GLYATL1B: variants seen among roughly 807,000 people sequenced by gnomAD.
GLYATL1B encodes putative glycine N-acyltransferase-like protein 1B.
Under a neutral mutation model 5.5 loss-of-function variants are expected in GLYATL1B, and 6 were observed. That is an observed-to-expected ratio of 1.09 (90% confidence interval 0.60 to 2.15). The LOEUF is 2.15. Among genes scored for constraint, GLYATL1B ranks in the 30% most tolerant of loss-of-function variants. GLYATL1B has a pLI of 0.00. For synonymous variants in GLYATL1B, 67 were observed against 34.9 expected, an observed-to-expected ratio of 1.92 and a Z score of -3.24; for missense variants, 135 against 94.1, an observed-to-expected ratio of 1.43 and a Z score of -1.80.
intron 2 of GLYATL1B, among the ~76,000 whole-genome samples, chr11:59,089,495 C>T (rs1425250398): frequency 1.3e-5 from 2 of 152,180 alleles, no homozygotes; most frequent in African/African-American, 4.8e-5. Context: ...CCCACATTCT[C>T]ATCAGCAGTG....
intron 2 of GLYATL1B, among the ~76,000 whole-genome samples, chr11:59,087,434 G>A (rs534837857): frequency 2.6e-4 from 40 of 152,232 alleles, no homozygotes; most frequent in Admixed American, 2.4e-3. Context: ...GCCCTTTGAG[G>A]TGGCAGGGGT....
rs1210271471 is a variant in GLYATL1B at position 59,086,372 on chromosome 11, T to C, written c.66T>C (p.Pro22=). Residue 22 remains proline (P), a synonymous_variant, in exon 1 of 5, where the codon CCT becomes CCC. Transcript: ENST00000527482. ...TCAAATCTTTAGCAAGGAGCATTCC[T>C]GAGTCCCTGAAGGTGAAGGAACAGT... ...ALFKSLARSI[P]ESLKVYGSLF... is the part of the protein sequence containing the mutation. 1.5e-5 allele frequency: 6 copies of C among 398,842 alleles called. No individual in the cohort carries two copies. The highest frequency in any genetic ancestry group is 3.6e-5 in the East Asian group (1 of 28,094). 24.7% of individuals were successfully genotyped at this position (398,842 alleles called of 1,614,324 possible).
chr11:59,090,381 A>G (rs866141277), intron 2 of GLYATL1B, among the ~76,000 whole-genome samples: 11 of 152,094 alleles, frequency 7.2e-5, no homozygotes, highest in Middle Eastern at 3.4e-3. Flanking sequence ...AAGCATTAAT[A>G]TTTTTGTGAT....
Position 59,088,799 on chromosome 11 carries a change from A to G in GLYATL1B, c.186+1628A>G, listed in dbSNP as rs1317340888. Among the ~76,000 whole-genome samples, 3 of 152,228 alleles carry G rather than the reference A, an allele frequency of 2.0e-5. No homozygotes were observed. In the South Asian group the frequency reaches 6.2e-4, roughly 31 times the overall value. ...AATGGAAAGAATGAAATATGCTGCA[A>G]TTTACTTGGAAATACATTCACTTAG... On this transcript the variant is annotated intron_variant, in intron 2 of 4. Coordinates refer to ENST00000527482, the MANE Select transcript of GLYATL1B (RefSeq NM_001355566.1).
chr11:59,086,570 G>A (rs943078037), intron 1 of GLYATL1B, among the ~76,000 whole-genome samples, 186 bp downstream of exon 1: 16 of 152,184 alleles, frequency 1.1e-4, no homozygotes, highest in Middle Eastern at 3.4e-3. Context: ...CAACTAGGCC[G>A]ACTCTGCAGA....
chr11:59,092,759 C>T (rs1336369846), intron 2 of GLYATL1B, among the ~76,000 whole-genome samples: 2 of 152,148 alleles, frequency 1.3e-5, no homozygotes, highest in African/African-American at 2.4e-5. Flanking sequence ...CAGAGTGCTA[C>T]GGAAAATTCA....
chr11:59,086,693 G>C (rs1859200417), intron 1 of GLYATL1B, among the ~76,000 whole-genome samples: 1 of 152,158 alleles, frequency 6.6e-6, no homozygotes, highest in Non-Finnish European at 1.5e-5. Context: ...AGATATCATT[G>C]TGCCTGTGCC....
intron 2 of GLYATL1B, among the ~76,000 whole-genome samples, chr11:59,090,647 C>A (rs1442839962): frequency 6.6e-6 from 1 of 151,746 alleles, no homozygotes; most frequent in East Asian, 1.9e-4. Context: ...GCTTTAAAAT[C>A]TTCTTTGTTT....
At chr11:59,093,769 A>AAG (rs71454363) in intron 3 of GLYATL1B, 114 bp downstream of exon 3, 62,026 of 437,848 alleles carry the variant, frequency 0.14, 5,370 homozygotes, top group Non-Finnish European at 0.17. Context: ...TGAAATTCTC[A>AAG]GAGCTGGGAG....
intron 2 of GLYATL1B, among the ~76,000 whole-genome samples, chr11:59,088,472 A>G (rs1409369162): frequency 6.6e-6 from 1 of 152,112 alleles, no homozygotes; most frequent in African/African-American, 2.4e-5. Context: ...TACCTTCCCC[A>G]GGGATGTTCT....
chr11:59,089,652 T>G (rs560187820), intron 2 of GLYATL1B, among the ~76,000 whole-genome samples: 7 of 152,258 alleles, frequency 4.6e-5, no homozygotes, highest in Non-Finnish European at 8.8e-5. Flanking sequence ...TCTGAACTGT[T>G]TATATTGTTT....
chr11:59,088,410 C>T (rs1859236246), intron 2 of GLYATL1B, among the ~76,000 whole-genome samples: 1 of 152,170 alleles, frequency 6.6e-6, no homozygotes, highest in Admixed American at 6.6e-5. Context: ...GCCAGCCCAG[C>T]TTCAGGTGGG....
In GLYATL1B at chr11:59,094,187, G is replaced by A. The variant is rs1486149760; in HGVS notation, c.491+76G>A. 9.5e-6 allele frequency: 5 copies of A among 527,254 alleles called. No homozygotes were observed. In the Admixed American group the frequency reaches 1.7e-4, roughly 18 times the overall value. The allele number at this position is 527,254 out of a possible 1,614,324, so 32.7% of individuals were successfully genotyped here. The stretch of plus-strand genomic sequence containing the variant: ...TTGTAATTCACATAAATCAGTTTTG[G>A]AATGAAGAGAGGATGAATTCATTCC... On this transcript the variant is annotated intron_variant, in intron 4 of 4. Coordinates refer to ENST00000527482, the MANE Select transcript of GLYATL1B (RefSeq NM_001355566.1).
intron 2 of GLYATL1B, among the ~76,000 whole-genome samples, chr11:59,090,919 T>A (rs577948204): frequency 6.6e-6 from 1 of 152,278 alleles, no homozygotes; most frequent in Non-Finnish European, 1.5e-5. Flanking sequence ...TAATTCTGTC[T>A]TTACAGGCTT....
chr11:59,090,325 T>C (rs1363023457), intron 2 of GLYATL1B, among the ~76,000 whole-genome samples: 1 of 152,028 alleles, frequency 6.6e-6, no homozygotes, highest in East Asian at 1.9e-4. Flanking sequence ...CAACTAAGTA[T>C]TGCAATTGTG....
chr11:59,089,347 C>A (rs776826457), intron 2 of GLYATL1B, among the ~76,000 whole-genome samples: 2 of 152,156 alleles, frequency 1.3e-5, no homozygotes, highest in African/African-American at 4.8e-5. Flanking sequence ...ATCCTGGAAA[C>A]TTTTCTCAAT....
chr11:59,088,104 T>C (rs530206801), intron 2 of GLYATL1B, among the ~76,000 whole-genome samples: 2 of 152,216 alleles, frequency 1.3e-5, no homozygotes, highest in South Asian at 2.1e-4. Context: ...TTACTAGCTA[T>C]ATAACCATAG....
chr11:59,086,338 TG>T lies in GLYATL1B; in HGVS notation c.34del (p.Ala12ProfsTer6). 1 of 399,114 alleles carries T rather than the reference TG, an allele frequency of 2.5e-6. No individual in the cohort carries two copies. The highest frequency in any genetic ancestry group is 3.6e-5 in the East Asian group (1 of 28,084). 24.7% of individuals were successfully genotyped at this position (399,114 alleles called of 1,614,324 possible). On this transcript the variant is annotated frameshift_variant, in exon 1 of 5. Coordinates refer to ENST00000527482, the MANE Select transcript of GLYATL1B (RefSeq NM_001355566.1). LOFTEE classifies it high-confidence loss of function. The stretch of plus-strand genomic sequence containing the variant: ...CTATTGAATAATTCCGAGCGGCTGC[TG>T]GCCCTATTCAAATCTTTAGCAAGGA... MILLNNSERL[L>X]ALFKSLARSI...
chr11:59,092,538 T>C (rs958802117), intron 2 of GLYATL1B, among the ~76,000 whole-genome samples: 12 of 152,228 alleles, frequency 7.9e-5, no homozygotes, highest in African/African-American at 2.9e-4. Context: ...TGAAGGTTTC[T>C]TTAAAATTAG....
Sources: allele counts gnomAD v4.1 joint callset (sites outside exome capture counted in the v4.1 genomes callset), GRCh38; gene constraint gnomAD v4.1.1; transcripts MANE v1.5; gene names NCBI Gene and HGNC (gene_info 2026-07-23, HGNC 2026-07-21).